The following TMEFF2 variants were observed in gnomAD, a reference collection of about 807,000 sequenced individuals.
TMEFF2 encodes the protein transmembrane protein with EGF like and two follistatin like domains 2, also known as tomoregulin-2.
A neutral mutation model predicts 53.8 loss-of-function variants in TMEFF2; 28 were observed. The ratio of observed to expected loss-of-function variants is 0.52; its 90% confidence interval spans 0.39 to 0.71. TMEFF2 has a LOEUF of 0.71. Ranked by LOEUF, TMEFF2 falls within the 30% of genes least tolerant of loss-of-function variation. The probability of loss-of-function intolerance (pLI) is 0.00; values close to 1 mark genes in which losing one functional copy is unlikely to be tolerated. For missense variants in TMEFF2, 353 were observed against 455.2 expected, an observed-to-expected ratio of 0.78 and a Z score of 2.04; for synonymous variants, 162 against 166.3, an observed-to-expected ratio of 0.97 and a Z score of 0.20.
At chr2:191,975,788 A>G (rs1685711526) in intron 7 of TMEFF2, among the ~76,000 whole-genome samples, 3 of 152,166 alleles carry the variant, frequency 2.0e-5, no homozygotes. Flanking sequence ...AGTTTAATAT[A>G]GAGAATATGA....
intron 4 of TMEFF2, among the ~76,000 whole-genome samples, chr2:192,116,152 A>G (rs2105960744): frequency 6.6e-6 from 1 of 152,142 alleles, no homozygotes; most frequent in East Asian, 1.9e-4. Flanking sequence ...TATTTTTTTC[A>G]GACTTAAAAA....
chr2:192,167,450 C>A (rs553138900), intron 4 of TMEFF2, among the ~76,000 whole-genome samples: 1 of 152,256 alleles, frequency 6.6e-6, no homozygotes, highest in South Asian at 2.1e-4. Flanking sequence ...AGCCTACCCA[C>A]GCCTGCAGCT....
chr2:191,997,955 T>TATATTATATATTGCATATATATATAGCA (rs1686262629), intron 7 of TMEFF2, among the ~76,000 whole-genome samples: 4 of 151,960 alleles, frequency 2.6e-5, no homozygotes, highest in African/African-American at 9.7e-5. Flanking sequence ...AGAAATTGCA[T>TATATTATATATTGCATATATATATAGCA]TCATTTCCAT....
intron 2 of TMEFF2, among the ~76,000 whole-genome samples, chr2:192,185,718 T>G (rs1241069122): frequency 6.6e-6 from 1 of 152,104 alleles, no homozygotes; most frequent in Non-Finnish European, 1.5e-5. Context: ...ATTATTTTAC[T>G]CTATTTCCTA....
rs560939823 is a variant in TMEFF2, at chr2:192,164,643, G to A, written c.439+15025C>T. On this transcript the variant is annotated intron_variant, in intron 4 of 9. Transcript: ENST00000272771. ...CTCAGGAGGCTGAGGCAGGAGAATC[G>A]CTTGAACATGGGAGGTGGAGGTTGC... Among the ~76,000 whole-genome samples, 9 of 151,624 alleles carry A rather than the reference G, an allele frequency of 5.9e-5. No individual in the cohort carries two copies. In the East Asian group the frequency reaches 1.2e-3, roughly 20 times the overall value.
intron 4 of TMEFF2, among the ~76,000 whole-genome samples, chr2:192,061,167 T>C (rs775159507): frequency 1.3e-5 from 2 of 152,160 alleles, no homozygotes; most frequent in African/African-American, 2.4e-5. Context: ...GTGACTCTTA[T>C]AATATTCTTA....
At chr2:191,972,717 G>A (rs891411178) in intron 7 of TMEFF2, among the ~76,000 whole-genome samples, 1 of 152,078 alleles carries the variant, frequency 6.6e-6, no homozygotes, top group African/African-American at 2.4e-5. Flanking sequence ...AAAATGGTAG[G>A]AACTATTCCA....
intron 4 of TMEFF2, among the ~76,000 whole-genome samples, chr2:192,131,654 G>T (rs543341888): frequency 1.3e-5 from 2 of 151,978 alleles, no homozygotes; most frequent in Non-Finnish European, 2.9e-5. Flanking sequence ...CCTTCTCCGT[G>T]TCTCTACTCT....
At chr2:192,156,787 C>T (rs1194848586) in intron 4 of TMEFF2, among the ~76,000 whole-genome samples, 1 of 152,012 alleles carries the variant, frequency 6.6e-6, no homozygotes, top group Non-Finnish European at 1.5e-5. Context: ...ACCGTATCTA[C>T]AGACTGAAAT....
intron 5 of TMEFF2, among the ~76,000 whole-genome samples, chr2:191,999,901 C>A (rs1007434052): frequency 6.6e-6 from 1 of 151,734 alleles, no homozygotes; most frequent in African/African-American, 2.4e-5. Flanking sequence ...AAACCCCTTC[C>A]GAGATATACA....
intron 5 of TMEFF2, among the ~76,000 whole-genome samples, chr2:192,006,784 C>G (rs1362877700): frequency 6.6e-6 from 1 of 152,142 alleles, no homozygotes; most frequent in African/African-American, 2.4e-5. Context: ...AACCAGATGA[C>G]TGGGTTGCAA....
chr2:192,044,641 C>A (rs1380817845), intron 5 of TMEFF2: 1 of 152,252 alleles, frequency 6.6e-6, no homozygotes, highest in African/African-American at 2.4e-5. Flanking sequence ...TCCGGTAGAT[C>A]CAATGGTGCT....
At chr2:192,000,585 T>C (rs1468447075) in intron 5 of TMEFF2, among the ~76,000 whole-genome samples, 1 of 152,160 alleles carries the variant, frequency 6.6e-6, no homozygotes, top group South Asian at 2.1e-4. Context: ...TATTCTTAAG[T>C]AGTCATCCTG....
In TMEFF2 at chr2:191,949,978, A is replaced by G; in HGVS notation, c.*333T>C. 9.2e-7 allele frequency: 1 copy of G among 1,090,394 alleles called. No homozygotes were observed. The highest frequency in any genetic ancestry group is 1.1e-6 in the Non-Finnish European group (1 of 894,156). 67.5% of individuals were successfully genotyped at this position (1,090,394 alleles called of 1,614,324 possible). On this transcript the variant is annotated 3_prime_UTR_variant, in exon 10 of 10. Transcript: ENST00000272771. ...GTACAGATTGTACTAGTCTGATTAT[A>G]TTTACAGTTATGAGATACCGCAAAT...
intron 5 of TMEFF2, among the ~76,000 whole-genome samples, chr2:192,016,769 G>A (rs1686754762): frequency 6.6e-6 from 1 of 152,212 alleles, no homozygotes; most frequent in East Asian, 1.9e-4. Flanking sequence ...GAGTAATAAA[G>A]AAGTATGGCA....
At chr2:192,099,186 A>T (rs1336938248) in intron 4 of TMEFF2, among the ~76,000 whole-genome samples, 1 of 152,012 alleles carries the variant, frequency 6.6e-6, no homozygotes, top group African/African-American at 2.4e-5. Context: ...TACCATTTCA[A>T]TCTTTATAGT....
intron 9 of TMEFF2, among the ~76,000 whole-genome samples, chr2:191,952,764 A>G (rs1691925734): frequency 6.6e-6 from 1 of 152,162 alleles, no homozygotes; most frequent in Admixed American, 6.5e-5. Context: ...TTCTAAAGAT[A>G]CGATACTTTC....
At chr2:192,028,211 C>T (rs536433041) in intron 5 of TMEFF2, among the ~76,000 whole-genome samples, 140 of 152,266 alleles carry the variant, frequency 9.2e-4, no homozygotes, top group African/African-American at 3.3e-3. Context: ...TTGCCTTCTG[C>T]CATGATTGTG....
At chr2:192,058,542 G>A (rs1230213989) in intron 4 of TMEFF2, among the ~76,000 whole-genome samples, 1 of 152,070 alleles carries the variant, frequency 6.6e-6, no homozygotes, top group East Asian at 1.9e-4. Flanking sequence ...TAATTATAAA[G>A]TTAGTCTTTC....
Sources: allele counts gnomAD v4.1 joint callset (sites outside exome capture counted in the v4.1 genomes callset), GRCh38; gene constraint gnomAD v4.1.1; transcripts MANE v1.5; gene names NCBI Gene and HGNC (gene_info 2026-07-23, HGNC 2026-07-21).